Variants in RABGAP1L observed in about 807,000 individuals in gnomAD.
RABGAP1L encodes rab GTPase-activating protein 1-like.
Under a neutral mutation model 137.7 loss-of-function variants are expected in RABGAP1L, and 63 were observed. The ratio of observed to expected loss-of-function variants is 0.46; its 90% CI spans 0.37 to 0.56. RABGAP1L has a LOEUF of 0.56. Among genes scored for constraint, RABGAP1L ranks in the 20% least tolerant of loss-of-function variants. RABGAP1L has a pLI of 0.00. For synonymous variants in RABGAP1L, 431 were observed against 433.7 expected (o/e 0.99, Z 0.08); for missense variants, 1,095 against 1,244.0 (o/e 0.88, Z 1.80).
intron 14 of RABGAP1L, among the ~76,000 whole-genome samples, chr1:174,646,338 G>C (rs1015594789): frequency 6.6e-6 from 1 of 152,014 alleles, no homozygotes; most frequent in Non-Finnish European, 1.5e-5. Context: ...GATTTTTATG[G>C]TTTTAGGTCT....
At chr1:174,861,364 A>T (rs1201911726) in intron 19 of RABGAP1L, among the ~76,000 whole-genome samples, 1 of 152,138 alleles carries the variant, frequency 6.6e-6, no homozygotes, top group Admixed American at 6.5e-5. Flanking sequence ...CCATCAACAG[A>T]TGCTTAGGTT....
chr1:174,943,410 A>T (rs1165401355), intron 19 of RABGAP1L, among the ~76,000 whole-genome samples: 3 of 152,166 alleles, frequency 2.0e-5, no homozygotes, highest in Admixed American at 1.3e-4. Flanking sequence ...GCTCAGCTTC[A>T]TTGTCATTCC....
intron 13 of RABGAP1L, among the ~76,000 whole-genome samples, chr1:174,416,859 A>G (rs1014499490): frequency 1.3e-5 from 2 of 152,116 alleles, no homozygotes; most frequent in African/African-American, 4.8e-5. Flanking sequence ...TGTGTTTGTA[A>G]GATGATTATT....
chr1:174,615,267 C>T (rs951478741), intron 13 of RABGAP1L, among the ~76,000 whole-genome samples: 13 of 151,816 alleles, frequency 8.6e-5, no homozygotes, highest in African/African-American at 3.1e-4. Context: ...GTGTGGATGT[C>T]CTGTTTTGTT....
chr1:174,319,003 T>G (rs980575623), intron 11 of RABGAP1L, among the ~76,000 whole-genome samples: 1 of 152,114 alleles, frequency 6.6e-6, no homozygotes, highest in Non-Finnish European at 1.5e-5. Flanking sequence ...TGTAAGTGAT[T>G]TACATACTGC....
At chr1:174,840,634 C>CAAAAAAAAAA (rs571457207) in intron 19 of RABGAP1L, among the ~76,000 whole-genome samples, 3 of 113,392 alleles carry the variant, frequency 2.6e-5, no homozygotes, top group Non-Finnish European at 5.5e-5. Flanking sequence ...ACTAAAAATA[C>CAAAAAAAAAA]AAAAAAAAAA....
intron 10 of RABGAP1L, among the ~76,000 whole-genome samples, chr1:174,279,531 A>C (rs1475717532): frequency 6.6e-6 from 1 of 152,172 alleles, no homozygotes. Context: ...TGATAAAAGC[A>C]GGCACCAGTA....
At chr1:174,850,671 A>G (rs1043948573) in intron 19 of RABGAP1L, among the ~76,000 whole-genome samples, 1 of 152,224 alleles carries the variant, frequency 6.6e-6, no homozygotes, top group African/African-American at 2.4e-5. Context: ...AATTCCTGGA[A>G]TCATGATGAA....
intron 13 of RABGAP1L, among the ~76,000 whole-genome samples, chr1:174,595,667 G>GGGGGTCA (rs1302854178): frequency 1.3e-5 from 2 of 148,518 alleles, no homozygotes; most frequent in Admixed American, 6.7e-5. Flanking sequence ...TAGGCTGCTC[G>GGGGGTCA]GGGGTCAGGG....
At chr1:174,258,843 T>A (rs1470311390) in intron 7 of RABGAP1L, among the ~76,000 whole-genome samples, 2 of 152,062 alleles carry the variant, frequency 1.3e-5, no homozygotes, top group Non-Finnish European at 2.9e-5. Context: ...AGTGATGTGA[T>A]CATAGCTCAC....
chr1:174,712,156 A>G (rs1680583528), intron 17 of RABGAP1L, among the ~76,000 whole-genome samples: 1 of 152,230 alleles, frequency 6.6e-6, no homozygotes, highest in Admixed American at 6.5e-5. Context: ...AAAACGGACC[A>G]ATCAGCTCTC....
chr1:174,742,461 G>A (rs1270938466), intron 17 of RABGAP1L, among the ~76,000 whole-genome samples: 1 of 152,200 alleles, frequency 6.6e-6, no homozygotes, highest in African/African-American at 2.4e-5. Flanking sequence ...AGGTTGCAGT[G>A]AGCTGAGATC....
intron 13 of RABGAP1L, among the ~76,000 whole-genome samples, chr1:174,530,824 TACATACATACATACGTAC>T (rs1664330442): frequency 8.8e-6 from 1 of 113,280 alleles, no homozygotes; most frequent in African/African-American, 7.8e-5. Context: ...CATACATACA[TACATACATACATACGTAC>T]GTTTGTGTAG....
chr1:174,437,117 G>A (rs908625021), intron 13 of RABGAP1L, among the ~76,000 whole-genome samples: 1 of 152,150 alleles, frequency 6.6e-6, no homozygotes, highest in African/African-American at 2.4e-5. Context: ...CAAAGATGGG[G>A]AGAAAACAGA....
intron 7 of RABGAP1L, among the ~76,000 whole-genome samples, chr1:174,256,651 G>A (rs1418776762): frequency 6.6e-6 from 1 of 152,090 alleles, no homozygotes; most frequent in Non-Finnish European, 1.5e-5. Context: ...CGTGGTGGCG[G>A]GTGCCAGTGG....
chr1:174,239,860 C>A (rs552524642), intron 4 of RABGAP1L, among the ~76,000 whole-genome samples: 4 of 152,160 alleles, frequency 2.6e-5, no homozygotes, highest in African/African-American at 7.2e-5. Context: ...TCTGATTTGC[C>A]TCATTCTCTA....
intron 19 of RABGAP1L, among the ~76,000 whole-genome samples, chr1:174,830,134 A>G (rs1315423330): frequency 6.8e-6 from 1 of 148,014 alleles, no homozygotes; most frequent in Non-Finnish European, 1.5e-5. Flanking sequence ...CCATGTTCTC[A>G]AGAAGGCAAG....
At chr1:174,321,867 CA>C (rs1680024445) in intron 11 of RABGAP1L, among the ~76,000 whole-genome samples, 1 of 152,048 alleles carries the variant, frequency 6.6e-6, no homozygotes, top group African/African-American at 2.4e-5. Context: ...TGTATCTTTT[CA>C]TGTGATTATT....
chr1:174,828,272 T>C (rs752368473), intron 19 of RABGAP1L, among the ~76,000 whole-genome samples: 4 of 147,922 alleles, frequency 2.7e-5, no homozygotes, highest in Non-Finnish European at 6.0e-5. Flanking sequence ...TTGGTTTCTG[T>C]CCCCTCTAGT....
Sources: allele counts gnomAD v4.1 joint callset (sites outside exome capture counted in the v4.1 genomes callset), GRCh38; gene constraint gnomAD v4.1.1; transcripts MANE v1.5; gene names NCBI Gene and HGNC (gene_info 2026-07-23, HGNC 2026-07-21).